The following XDH variants were observed in gnomAD, a reference collection of about 807,000 sequenced individuals.
The protein encoded by XDH is xanthine dehydrogenase.
In XDH, 138 loss-of-function variants were observed where a neutral mutation model predicts 156.1. The ratio of observed to expected loss-of-function variants is 0.88; its 90% CI spans 0.77 to 1.02. XDH has a LOEUF of 1.02. XDH is among the 50% of genes least tolerant of loss of function. XDH has a pLI of 0.00. For synonymous variants in XDH, 669 were observed against 625.7 expected, an observed-to-expected ratio of 1.07 and a Z score of -1.03; for missense variants, 1,849 against 1,684.9, an observed-to-expected ratio of 1.10 and a Z score of -1.71.
Position 31,344,611 on chromosome 2 carries a change from C to T in XDH, c.3404+73G>A, listed in dbSNP as rs566412719. ...CTCCTGACCACAGCCTGGCAGGATT[C>T]GGTGCTGGAGTGGACCAGTGAGGTT... On this transcript the variant is annotated intron_variant, in intron 31 of 35. Coordinates refer to ENST00000379416, the MANE Select transcript of XDH (RefSeq NM_000379.4). 110 of 1,556,438 alleles carry T rather than the reference C, an allele frequency of 7.1e-5. 1 individual carries two copies. The highest frequency in any genetic ancestry group is 6.7e-4 in the South Asian group (60 of 89,778).
At chr2:31,403,007 G>T in intron 3 of XDH, 41 bp downstream of exon 3, 1 of 1,608,094 alleles carries the variant, frequency 6.2e-7, no homozygotes, top group South Asian at 1.1e-5. Context: ...GTCCTGCATC[G>T]CAGCCCCCAT....
intron 6 of XDH, among the ~76,000 whole-genome samples, chr2:31,389,164 G>A (rs750740923): frequency 7.2e-5 from 11 of 152,228 alleles, no homozygotes; most frequent in Non-Finnish European, 1.6e-4. Flanking sequence ...AGCAGGCTGG[G>A]AGCAGTCCTT....
chr2:31,406,386 C>CACATG (rs1687192021), intron 1 of XDH, among the ~76,000 whole-genome samples: 1 of 152,152 alleles, frequency 6.6e-6, no homozygotes, highest in Non-Finnish European at 1.5e-5. Flanking sequence ...GCTTGTACAG[C>CACATG]CTGCAGAACT....
chr2:31,342,061 A>G, intron 32 of XDH, 122 bp downstream of exon 32: 3 of 886,562 alleles, frequency 3.4e-6, no homozygotes, highest in Non-Finnish European at 3.6e-6. Context: ...ATGTTTGCCT[A>G]TCCTTAATGG....
At chr2:31,412,711 A>G (rs1025194824) in intron 1 of XDH, among the ~76,000 whole-genome samples, 2 of 152,200 alleles carry the variant, frequency 1.3e-5, no homozygotes, top group African/African-American at 4.8e-5. Context: ...AAGGTCTAGA[A>G]TATCTTCTGA....
At chr2:31,383,553 C>T (rs1015937469) in intron 10 of XDH, among the ~76,000 whole-genome samples, 1 of 152,108 alleles carries the variant, frequency 6.6e-6, no homozygotes, top group African/African-American at 2.4e-5. Context: ...ATCCCGCAGC[C>T]TCTTGCCCAC....
chr2:31,363,768 T>C (rs1160356321), intron 24 of XDH, among the ~76,000 whole-genome samples: 1 of 152,110 alleles, frequency 6.6e-6, no homozygotes, highest in Non-Finnish European at 1.5e-5. Flanking sequence ...TGCTAACAGT[T>C]TGGTATATGT....
chr2:31,375,133 C>T lies in XDH; in HGVS notation c.1602+247G>A, dbSNP rs546522640. On this transcript the variant is annotated intron_variant, in intron 15 of 35. Coordinates refer to ENST00000379416, the MANE Select transcript of XDH (RefSeq NM_000379.4). ...CTCCACCTCCCGAGTTCAAGTGATT[C>T]TCCTGCCTCAGCTTCCCACGTAGCT... Among the ~76,000 whole-genome samples the T allele has an allele frequency of 2.7e-5, 4 of 147,324 alleles. No individual in the cohort carries two copies. The South Asian group carries it at 8.7e-4, about 32-fold the overall frequency.
At position 31,346,688 on chromosome 2, in the gene XDH, A is replaced by G; in HGVS notation, c.3351+81T>C. 5.3e-6 allele frequency: 8 copies of G among 1,515,892 alleles called. No homozygotes were observed. In the South Asian group the frequency reaches 9.0e-5, roughly 17 times the overall value. The allele number at this position is 1,515,892 out of a possible 1,614,324, so 93.9% of individuals were successfully genotyped here. A position where few individuals can be genotyped will look rare whatever the true frequency, so the allele number is the denominator to read the frequency against. The stretch of plus-strand genomic sequence containing the variant: ...TCTGACTAAAATATTGTCTCCTATT[A>G]CTTGTTCGGATTCGGAACGGAGGCC... On this transcript the variant is annotated intron_variant, in intron 30 of 35. Coordinates refer to ENST00000379416, the MANE Select transcript of XDH (RefSeq NM_000379.4).
intron 22 of XDH, 131 bp from the exon 23 acceptor site, chr2:31,365,675 TTTGC>T: frequency 8.7e-7 from 1 of 1,145,526 alleles, no homozygotes; most frequent in Non-Finnish European, 1.3e-6. Context: ...ACAGGGCTGC[TTTGC>T]CATCTAGGCA....
At chr2:31,383,361 C>G (rs1429295354) in intron 10 of XDH, among the ~76,000 whole-genome samples, 1 of 152,134 alleles carries the variant, frequency 6.6e-6, no homozygotes, top group Non-Finnish European at 1.5e-5. Flanking sequence ...CAAGCTTGGG[C>G]CTCTTGATCC....
Position 31,375,437 on chromosome 2 carries a change from G to A in XDH, c.1545C>T (p.Phe515=). ...GGACTGTCAGGTAGAACTTGAAGAA[G>A]AAGCTGAGGGTGAGGGTGCACCGGA... The part of the protein sequence containing the change: ...VDFRCTLTLS[F]FFKFYLTVLQ... Residue 515 remains phenylalanine, a synonymous_variant, in exon 15 of 36, where the codon TTC becomes TTT. Transcript: ENST00000379416. 1.9e-6 allele frequency: 3 copies of A among 1,614,222 alleles called. No homozygotes were observed. Among genetic ancestry groups the A allele is most frequent in the Non-Finnish European group, 2.5e-6 (3 of 1,180,048 alleles).
Position 31,368,472 on chromosome 2 carries a change from G to T in XDH, c.2100+69C>A, listed in dbSNP as rs1235326571. 12 of 1,593,832 alleles carry T rather than the reference G, an allele frequency of 7.5e-6. No homozygotes were observed. In the African/African-American group the frequency reaches 8.1e-5, roughly 11 times the overall value. On this transcript the variant is annotated intron_variant, in intron 19 of 35. Coordinates refer to ENST00000379416, the MANE Select transcript of XDH (RefSeq NM_000379.4). ...CCTGCTGCTCAAATCCCCTCCAGGGGATCCTAATACATGCACATCCAGGGA... is the reference window on the plus strand; with the variant it reads ...CCTGCTGCTCAAATCCCCTCCAGGGTATCCTAATACATGCACATCCAGGGA...
rs887534367 is a variant in XDH, at chr2:31,414,608, G to A, written c.42+17C>T. 14 of 1,613,838 alleles carry A rather than the reference G, an allele frequency of 8.7e-6. No homozygotes were observed. The highest frequency in any genetic ancestry group is 1.7e-5 in the Admixed American group (1 of 59,990). On this transcript the variant is annotated intron_variant, in intron 1 of 35. Transcript: ENST00000379416. ...CAGGGAGAAGGGACACAAAACCAAAGGTCAGCTCCTACTTACCTTTCTGCC... is the reference window on the plus strand; with the variant it reads ...CAGGGAGAAGGGACACAAAACCAAAAGTCAGCTCCTACTTACCTTTCTGCC...
At chr2:31,376,825 C>G (rs1451148567) in intron 14 of XDH, among the ~76,000 whole-genome samples, 1 of 149,976 alleles carries the variant, frequency 6.7e-6, no homozygotes, top group Admixed American at 6.7e-5. Flanking sequence ...ATAGCAGTGG[C>G]AATACTCCTA....
At chr2:31,403,647 G>A (rs564157297) in intron 2 of XDH, among the ~76,000 whole-genome samples, 150 of 152,198 alleles carry the variant, frequency 9.9e-4, no homozygotes, top group African/African-American at 3.5e-3. Context: ...TCAAAATTAG[G>A]GCTAGACCAG....
At chr2:31,347,693 A>G (rs1685339114) in intron 28 of XDH, 43 bp from the exon 29 acceptor site, 1 of 1,600,610 alleles carries the variant, frequency 6.2e-7, no homozygotes, top group Non-Finnish European at 8.5e-7. Flanking sequence ...AGGGGTTATC[A>G]TGGGGCTTGG....
chr2:31,367,001 A>G lies in XDH; in HGVS notation c.2198-7T>C, dbSNP rs750072647. On this transcript the variant is annotated splice_polypyrimidine_tract_variant and splice_region_variant and intron_variant, in intron 20 of 35. Coordinates refer to ENST00000379416, the MANE Select transcript of XDH (RefSeq NM_000379.4). ...CCACCGATGTATATCTCCCCTGGGG[A>G]AGCAGTGAGATCCCTCACAGTGAGC... 3.1e-6 allele frequency: 5 copies of G among 1,614,128 alleles called. No individual in the cohort carries two copies. Among genetic ancestry groups the G allele is most frequent in the Non-Finnish European group, 4.2e-6 (5 of 1,179,970 alleles).
At position 31,339,571 on chromosome 2, in the gene XDH, G is replaced by T; in HGVS notation, c.3692C>A (p.Pro1231Gln). ...CTCAATGGGGATGCTGCCAAATGCCGGGATCTTGTAGGTGCTAGGGCCACG... is the reference window on the plus strand; with the variant it reads ...CTCAATGGGGATGCTGCCAAATGCCTGGATCTTGTAGGTGCTAGGGCCACG... ...HTRGPSTYKIPAFGSIPIEFR... is the reference protein window; with the variant it reads ...HTRGPSTYKIQAFGSIPIEFR... Residue 1231 changes from proline (P) to glutamine (Q), a missense_variant, in exon 34 of 36, where the codon CCG becomes CAG. Transcript: ENST00000379416. 6.2e-7 allele frequency: 1 copy of T among 1,614,200 alleles called. No homozygotes were observed. The highest frequency in any genetic ancestry group is 8.5e-7 in the Non-Finnish European group (1 of 1,180,044).
Sources: gnomAD v4.1 joint callset for allele counts (sites outside exome capture counted in the v4.1 genomes callset) on GRCh38, gnomAD v4.1.1 for gene constraint, MANE v1.5 for transcripts, NCBI Gene and HGNC (gene_info 2026-07-23, HGNC 2026-07-21) for gene names.